The following NTNG1 variants were observed in gnomAD, a reference collection of about 807,000 sequenced individuals.
NTNG1 encodes netrin G1.
In NTNG1, 16 loss-of-function variants were observed where a neutral mutation model predicts 54.0. The observed-to-expected ratio is 0.30, with a 90% CI of 0.20 to 0.45. The LOEUF is 0.45. Ranked by LOEUF, NTNG1 falls within the 20% of genes least tolerant of loss-of-function variation. NTNG1 has a pLI of 1.00. For synonymous variants in NTNG1, 255 were observed against 263.1 expected (o/e 0.97, Z 0.30); for missense variants, 530 against 678.7 (o/e 0.78, Z 2.43).
chr1:107,233,981 A>G (rs1182846132), intron 2 of NTNG1, among the ~76,000 whole-genome samples: 4 of 152,082 alleles, frequency 2.6e-5, no homozygotes, highest in Non-Finnish European at 4.4e-5. Flanking sequence ...TTTTGCCTGT[A>G]TTGTTCTGTC....
intron 2 of NTNG1, among the ~76,000 whole-genome samples, chr1:107,264,117 T>C (rs1384109311): frequency 6.6e-6 from 1 of 152,036 alleles, no homozygotes. Flanking sequence ...TGCCACCATC[T>C]TTCCTTCTTG....
chr1:107,232,325 C>T (rs1661125955), intron 2 of NTNG1, among the ~76,000 whole-genome samples: 1 of 152,198 alleles, frequency 6.6e-6, no homozygotes, highest in South Asian at 2.1e-4. Context: ...AAAGAAACCA[C>T]AAAATGACTG....
intron 3 of NTNG1, among the ~76,000 whole-genome samples, chr1:107,394,419 C>G (rs1016226893): frequency 1.4e-5 from 2 of 146,314 alleles, no homozygotes; most frequent in African/African-American, 4.9e-5. Flanking sequence ...CAAACCCTGC[C>G]ACATGAAGGA....
intron 2 of NTNG1, among the ~76,000 whole-genome samples, chr1:107,234,512 A>G (rs567906130): frequency 1.3e-5 from 2 of 152,184 alleles, no homozygotes; most frequent in South Asian, 4.1e-4. Context: ...GCACTGTTCT[A>G]AATACTACAT....
chr1:107,354,333 G>C (rs1669810038), intron 3 of NTNG1, among the ~76,000 whole-genome samples: 1 of 151,704 alleles, frequency 6.6e-6, no homozygotes, highest in Admixed American at 6.6e-5. Context: ...GCCGAGCGTG[G>C]TGGCAGGCAC....
intron 6 of NTNG1, among the ~76,000 whole-genome samples, chr1:107,431,598 A>G (rs1406242925): frequency 1.3e-5 from 2 of 152,054 alleles, no homozygotes; most frequent in Admixed American, 6.6e-5. Flanking sequence ...ACCAATGACT[A>G]CTGCTCTTGG....
intron 2 of NTNG1, among the ~76,000 whole-genome samples, chr1:107,188,893 T>G (rs892829693): frequency 1.3e-5 from 2 of 152,140 alleles, no homozygotes; most frequent in African/African-American, 4.8e-5. Flanking sequence ...CAGCATTTAT[T>G]TAAATTTAAA....
intron 5 of NTNG1, among the ~76,000 whole-genome samples, chr1:107,421,549 T>C (rs1311761348): frequency 6.6e-6 from 1 of 152,084 alleles, no homozygotes; most frequent in Non-Finnish European, 1.5e-5. Flanking sequence ...CCATTTCACT[T>C]TGTGACAAAT....
intron 5 of NTNG1, among the ~76,000 whole-genome samples, chr1:107,427,154 A>G (rs1180493655): frequency 6.6e-6 from 1 of 152,058 alleles, no homozygotes; most frequent in African/African-American, 2.4e-5. Context: ...CTCTTTTCCA[A>G]TTTGAATGCC....
chr1:107,196,853 G>A (rs527647984), intron 2 of NTNG1, among the ~76,000 whole-genome samples: 1 of 151,874 alleles, frequency 6.6e-6, no homozygotes, highest in African/African-American at 2.4e-5. Context: ...GACTGTATGT[G>A]CATTCTCCCA....
intron 5 of NTNG1, among the ~76,000 whole-genome samples, chr1:107,417,175 ATT>A (rs1347144447): frequency 6.6e-6 from 1 of 152,086 alleles, no homozygotes; most frequent in Non-Finnish European, 1.5e-5. Flanking sequence ...ATATGTATTT[ATT>A]TAATAACACC....
intron 7 of NTNG1, among the ~76,000 whole-genome samples, chr1:107,438,051 A>G (rs568449348): frequency 7.9e-5 from 12 of 152,304 alleles, no homozygotes; most frequent in South Asian, 4.1e-4. Context: ...TAAATTCTTC[A>G]TGATGAATTC....
intron 3 of NTNG1, among the ~76,000 whole-genome samples, chr1:107,348,002 CA>C (rs1438023755): frequency 6.6e-6 from 1 of 152,106 alleles, no homozygotes; most frequent in Non-Finnish European, 1.5e-5. Context: ...GGTGGGGACA[CA>C]GAGCCAAACC....
intron 7 of NTNG1, among the ~76,000 whole-genome samples, chr1:107,447,257 A>G (rs532870788): frequency 6.6e-6 from 1 of 152,184 alleles, no homozygotes; most frequent in South Asian, 2.1e-4. Context: ...TTTATCATGA[A>G]AATCAATAAT....
At chr1:107,235,580 T>G (rs949982592) in intron 2 of NTNG1, among the ~76,000 whole-genome samples, 4 of 152,200 alleles carry the variant, frequency 2.6e-5, no homozygotes, top group Non-Finnish European at 5.9e-5. Flanking sequence ...GAAGCTTCCA[T>G]CATTGCTGTG....
chr1:107,235,960 C>G (rs142665489), intron 2 of NTNG1, among the ~76,000 whole-genome samples: 1 of 152,180 alleles, frequency 6.6e-6, no homozygotes, highest in East Asian at 1.9e-4. Context: ...CAACAGAGTC[C>G]CAGTGTAATA....
At chr1:107,226,747 A>G (rs1660716352) in intron 2 of NTNG1, among the ~76,000 whole-genome samples, 1 of 152,110 alleles carries the variant, frequency 6.6e-6, no homozygotes, top group Non-Finnish European at 1.5e-5. Context: ...AGAGTTGCTC[A>G]TGTACAGAGT....
At position 107,351,575 on chromosome 1, in the gene NTNG1, A is replaced by C. The variant is rs549585826; in HGVS notation, c.887+26653A>C. On this transcript the variant is annotated intron_variant, in intron 3 of 7. Transcript: ENST00000370068. ...TGCCCCCATGATCCAATCACTTCCC[A>C]CCAGGCCCCACCTCCAGCATTGGTT... 4.8e-4 allele frequency among the ~76,000 whole-genome samples: 73 copies of C among 152,306 alleles called. 1 individual carries two copies. The highest frequency in any genetic ancestry group is 1.7e-3 in the African/African-American group (71 of 41,564).
At chr1:107,461,058 G>T (rs570352622) in intron 7 of NTNG1, among the ~76,000 whole-genome samples, 2 of 152,254 alleles carry the variant, frequency 1.3e-5, no homozygotes, top group East Asian at 1.9e-4. Flanking sequence ...AGACAGAGAA[G>T]GCTTTAATTT....
Sources: allele counts gnomAD v4.1 joint callset (sites outside exome capture counted in the v4.1 genomes callset), GRCh38; gene constraint gnomAD v4.1.1; transcripts MANE v1.5; gene names NCBI Gene and HGNC (gene_info 2026-07-23, HGNC 2026-07-21).